EIF2S3B: variants seen among roughly 807,000 people sequenced by gnomAD.
The protein encoded by EIF2S3B is eukaryotic translation initiation factor 2 subunit gamma B.
A neutral mutation model predicts 26.4 loss-of-function variants in EIF2S3B; 16 were observed. The observed-to-expected ratio is 0.61, with a 90% CI of 0.41 to 0.92. The LOEUF (loss-of-function observed/expected upper bound fraction) is 0.92, where lower values mean the gene tolerates loss of function less well. Ranked by LOEUF, EIF2S3B falls within the 40% of genes least tolerant of loss-of-function variation. The pLI is 0.00. For synonymous variants in EIF2S3B, 183 were observed against 204.4 expected (o/e 0.90, Z 0.89); for missense variants, 510 against 575.5 (o/e 0.89, Z 1.16).
In EIF2S3B at chr12:10,506,146, G is replaced by A; in HGVS notation, c.244G>A (p.Gly82Arg). 1 of 1,578,414 alleles carries A rather than the reference G, an allele frequency of 6.3e-7. No individual in the cohort carries two copies. Among genetic ancestry groups the A allele is most frequent in the Non-Finnish European group, 8.7e-7 (1 of 1,147,424 alleles). The change falls in exon 1 of 1, where the codon GGA (glycine) becomes AGA (arginine). Residue 82 changes from glycine to arginine, a missense_variant. Coordinates refer to ENST00000538173, the MANE Select transcript of EIF2S3B (RefSeq NM_001357734.3). ...AGAAAGAAATATTACAATCAAGCTT[G>A]GATATGCTAATGCTAAGATTTATCA... ...ELERNITIKL[G>R]YANAKIYQLD...
Position 10,518,848 on chromosome 12 carries a change from G to T in EIF2S3B, c.1309-3755G>T, listed in dbSNP as rs550778857. On this transcript the variant is annotated intron_variant, in intron 1 of 1. Transcript: ENST00000322446. The stretch of plus-strand genomic sequence containing the variant: ...AGGAGAACTACAAACCACTGCTCAA[G>T]GAAATAAAAGAGGACACAAAGAAAT... Among the ~76,000 whole-genome samples the T allele has an allele frequency of 9.2e-5, 14 of 151,618 alleles. No homozygotes were observed. The East Asian group carries it at 2.7e-3, about 30-fold the overall frequency.
chr12:10,505,939 C>T lies in EIF2S3B; in HGVS notation c.37C>T (p.Pro13Ser). Residue 13 changes from proline to serine, a missense_variant, in exon 1 of 1, where the codon CCG (proline) becomes TCG (serine). By Grantham distance (74) the Pro-to-Ser change is moderately conservative. Transcript: ENST00000538173. ...GGEAGVTLGQPHLSRQDLTTL... is the reference protein window; with the variant it reads ...GGEAGVTLGQSHLSRQDLTTL... Reference sequence around the variant, plus strand: ...AGAAGCTGGGGTGACTCTGGGGCAGCCGCACCTTTCGCGTCAGGATCTCAC... The same window carrying T: ...AGAAGCTGGGGTGACTCTGGGGCAGTCGCACCTTTCGCGTCAGGATCTCAC... 5 of 1,602,006 alleles carry T rather than the reference C, an allele frequency of 3.1e-6. No individual in the cohort carries two copies. The highest frequency in any genetic ancestry group is 4.3e-6 in the Non-Finnish European group (5 of 1,168,960).
rs1864665127 is a variant in EIF2S3B at position 10,508,139 on chromosome 12, A to G, written c.*818A>G. Among the ~76,000 whole-genome samples, 1 of 152,088 alleles carries G rather than the reference A, an allele frequency of 6.6e-6. No homozygotes were observed. Among genetic ancestry groups the G allele is most frequent in the Non-Finnish European group, 1.5e-5 (1 of 68,012 alleles). On this transcript the variant is annotated 3_prime_UTR_variant, in exon 1 of 1. Coordinates refer to ENST00000538173, the MANE Select transcript of EIF2S3B (RefSeq NM_001357734.3). ...TGAAATTTTGCATGAAAAGGATGCAATGAATGGGTTCGAATTGCATGAAAA... is the reference window on the plus strand; with the variant it reads ...TGAAATTTTGCATGAAAAGGATGCAGTGAATGGGTTCGAATTGCATGAAAA...
chr12:10,506,406 T>A lies in EIF2S3B; in HGVS notation c.504T>A (p.Pro168=), dbSNP rs546471525. Residue 168 remains proline, a synonymous_variant, in exon 1 of 1, where the codon CCT becomes CCA. Coordinates refer to ENST00000538173, the MANE Select transcript of EIF2S3B (RefSeq NM_001357734.3). Reference sequence around the variant, plus strand: ...CTGGTAATGAATCTTGCCCTCAGCCTCAGACATCTGAACACCTGGCTGCTA... The same window carrying A: ...CTGGTAATGAATCTTGCCCTCAGCCACAGACATCTGAACACCTGGCTGCTA... ...LIAGNESCPQ[P]QTSEHLAAIE... is the part of the protein sequence containing the mutation. The A allele has an allele frequency of 1.9e-6, 3 of 1,614,050 alleles. No homozygotes were observed. Among genetic ancestry groups the A allele is most frequent in the Non-Finnish European group, 2.5e-6 (3 of 1,179,896 alleles).
chr12:10,518,128 C>T (rs1257403441), intron 1 of EIF2S3B, among the ~76,000 whole-genome samples: 7 of 151,998 alleles, frequency 4.6e-5, no homozygotes, highest in South Asian at 2.1e-4. Context: ...CTATTAGGTC[C>T]ACTTGGTGCA....
At position 10,507,451 on chromosome 12, in the gene EIF2S3B, T is replaced by C. The variant is rs1864650844; in HGVS notation, c.*130T>C. On this transcript the variant is annotated 3_prime_UTR_variant, in exon 1 of 1. Transcript: ENST00000538173. ...AGTTTGTTACCTTAGTAGGTAACGG[T>C]AAGGTTATTCTCTCTTTTTTTTTTT... 2 of 1,067,334 alleles carry C rather than the reference T, an allele frequency of 1.9e-6. No homozygotes were observed. Among genetic ancestry groups the C allele is most frequent in the South Asian group, 3.0e-5 (2 of 65,834 alleles). The allele number at this position is 1,067,334 out of a possible 1,614,324, so 66.1% of individuals were successfully genotyped here. A position where few individuals can be genotyped will look rare whatever the true frequency, so the allele number is the denominator to read the frequency against.
At position 10,506,753 on chromosome 12, in the gene EIF2S3B, T is replaced by G. The variant is rs1402665119; in HGVS notation, c.851T>G (p.Leu284Arg). ...LKGGVAGGSI[L>R]KGVLKVGQET... ...GGAGGTGTAGCTGGTGGTAGTATCC[T>G]AAAAGGAGTATTAAAGGTGGGCCAG... Residue 284 changes from leucine to arginine, a missense_variant, in exon 1 of 1, where the codon CTA (leucine) becomes CGA (arginine). Coordinates refer to ENST00000538173, the MANE Select transcript of EIF2S3B (RefSeq NM_001357734.3). 3 of 1,614,038 alleles carry G rather than the reference T, an allele frequency of 1.9e-6. No homozygotes were observed. Among genetic ancestry groups the G allele is most frequent in the Middle Eastern group, 1.6e-4 (1 of 6,062 alleles).
chr12:10,511,247 C>G (rs561662945), downstream of EIF2S3B, among the ~76,000 whole-genome samples: 76 of 151,494 alleles, frequency 5.0e-4, no homozygotes, highest in Admixed American at 1.6e-3. Flanking sequence ...TTTAAAGGAG[C>G]TCTGCAAAAC....
In EIF2S3B at chr12:10,507,405, A is replaced by T. The variant is rs60954966; in HGVS notation, c.*84A>T. 11,364 of 1,467,326 alleles carry T rather than the reference A, an allele frequency of 7.7e-3. 678 individuals carry two copies. In the African/African-American group the frequency reaches 0.14, roughly 17 times the overall value. The allele number at this position is 1,467,326 out of a possible 1,614,324, so 90.9% of individuals were successfully genotyped here. A position where few individuals can be genotyped will look rare whatever the true frequency, so the allele number is the denominator to read the frequency against. On this transcript the variant is annotated 3_prime_UTR_variant, in exon 1 of 1. Transcript: ENST00000538173. Reference sequence around the variant, plus strand: ...AACCAAGGGGTTTATTTTCAAAGCGATATTGGGGAATTGATTTCACAGTTT... The same window carrying T: ...AACCAAGGGGTTTATTTTCAAAGCGTTATTGGGGAATTGATTTCACAGTTT...
At chr12:10,520,050 C>G (rs1181982883) in intron 1 of EIF2S3B, among the ~76,000 whole-genome samples, 11 of 149,154 alleles carry the variant, frequency 7.4e-5, no homozygotes, top group Admixed American at 6.7e-4. Flanking sequence ...GCTATAAAGA[C>G]ACATGCACAC....
rs150131295 is a variant in EIF2S3B at position 10,507,567 on chromosome 12, A to T, written c.*246A>T. On this transcript the variant is annotated 3_prime_UTR_variant, in exon 1 of 1. Coordinates refer to ENST00000538173, the MANE Select transcript of EIF2S3B (RefSeq NM_001357734.3). ...TTTGGCAGAAGTTAAGCATTCCCACATAATGTCAAAATTATACATTATGCA... is the reference window on the plus strand; with the variant it reads ...TTTGGCAGAAGTTAAGCATTCCCACTTAATGTCAAAATTATACATTATGCA... 2.3e-3 allele frequency: 1,368 copies of T among 587,498 alleles called. 12 individuals carry two copies. Among genetic ancestry groups the T allele is most frequent in the African/African-American group, 0.022 (1,192 of 53,776 alleles). 36.4% of individuals were successfully genotyped at this position (587,498 alleles called of 1,614,324 possible). A position where few individuals can be genotyped will look rare whatever the true frequency, so the allele number is the denominator to read the frequency against.
chr12:10,507,040 C>T lies in EIF2S3B; in HGVS notation c.1138C>T (p.Arg380Trp), dbSNP rs777500661. Residue 380 changes from arginine to tryptophan, a missense_variant, in exon 1 of 1, where the codon CGG becomes TGG. Arg to Trp is a moderately radical substitution (Grantham distance 101). Coordinates refer to ENST00000538173, the MANE Select transcript of EIF2S3B (RefSeq NM_001357734.3). ...ELEISYFLLRRLLGVRTEGDK... is the reference protein window; with the variant it reads ...ELEISYFLLRWLLGVRTEGDK... ...GGAAATTTCCTATTTCCTGCTTAGA[C>T]GGCTTCTAGGTGTACGCACTGAAGG... 6.8e-6 allele frequency: 11 copies of T among 1,613,614 alleles called. No homozygotes were observed. Among genetic ancestry groups the T allele is most frequent in the Admixed American group, 1.7e-5 (1 of 59,992 alleles).
intron 1 of EIF2S3B, among the ~76,000 whole-genome samples, chr12:10,519,340 C>A (rs989999212): frequency 6.6e-6 from 1 of 151,816 alleles, no homozygotes; most frequent in Non-Finnish European, 1.5e-5. Flanking sequence ...CTTCCTTACA[C>A]CTTATACAAA....
intron 1 of EIF2S3B, among the ~76,000 whole-genome samples, chr12:10,521,179 C>G (rs769272849): frequency 1.3e-5 from 2 of 152,120 alleles, no homozygotes; most frequent in Non-Finnish European, 2.9e-5. Context: ...CAAGGATACA[C>G]GTTCTAATTC....
At chr12:10,513,957 G>A (rs4519172) in intron 1 of EIF2S3B, among the ~76,000 whole-genome samples, 1 of 152,096 alleles carries the variant, frequency 6.6e-6, no homozygotes, top group African/African-American at 2.4e-5. Flanking sequence ...GGAGGTTGCA[G>A]TAAGCTGAGA....
downstream of EIF2S3B, among the ~76,000 whole-genome samples, chr12:10,512,690 C>G (rs557519317): frequency 2.6e-5 from 4 of 152,196 alleles, no homozygotes; most frequent in African/African-American, 4.8e-5. Flanking sequence ...ATTTCCATCC[C>G]TAGTGTGGAT....
chr12:10,514,274 T>C (rs1864733591), intron 1 of EIF2S3B, among the ~76,000 whole-genome samples: 1 of 152,102 alleles, frequency 6.6e-6, no homozygotes, highest in Admixed American at 6.6e-5. Context: ...TACTCATATT[T>C]TATTTCTAAA....
Position 10,506,904 on chromosome 12 carries a change from C to T in EIF2S3B, c.1002C>T (p.Gly334=), listed in dbSNP as rs1257950818. The change falls in exon 1 of 1, where the codon GGC becomes GGT. Residue 334 remains glycine, a synonymous_variant. Coordinates refer to ENST00000538173, the MANE Select transcript of EIF2S3B (RefSeq NM_001357734.3). The part of the protein sequence containing the change: ...EHNDLQYAAP[G]GLIGVGTKID... ...ATGATCTGCAATATGCTGCTCCAGG[C>T]GGTCTTATTGGAGTTGGAACAAAAA... The T allele has an allele frequency of 2.5e-6, 4 of 1,613,536 alleles. No homozygotes were observed. The highest frequency in any genetic ancestry group is 1.7e-5 in the Admixed American group (1 of 59,998).
Position 10,505,962 on chromosome 12 carries a change from C to T in EIF2S3B, c.60C>T (p.Leu20=). 6.2e-7 allele frequency: 1 copy of T among 1,604,998 alleles called. No homozygotes were observed. Among genetic ancestry groups the T allele is most frequent in the Non-Finnish European group, 8.5e-7 (1 of 1,171,638 alleles). ...AGCCGCACCTTTCGCGTCAGGATCT[C>T]ACCACCTTGGATGTTACCAAGTTGA... is the stretch of plus-strand genomic sequence containing the variant. ...LGQPHLSRQD[L]TTLDVTKLTP... is the part of the protein sequence containing the mutation. The change falls in exon 1 of 1, where the codon CTC becomes CTT. Residue 20 remains leucine, a synonymous_variant. Coordinates refer to ENST00000538173, the MANE Select transcript of EIF2S3B (RefSeq NM_001357734.3).
Sources: gnomAD v4.1 joint callset for allele counts (sites outside exome capture counted in the v4.1 genomes callset) on GRCh38, gnomAD v4.1.1 for gene constraint, MANE v1.5 for transcripts, NCBI Gene and HGNC (gene_info 2026-07-23, HGNC 2026-07-21) for gene names.